Variants in OLFM3 observed in about 807,000 individuals in gnomAD.
OLFM3 encodes the protein noelin-3.
In OLFM3, 20 loss-of-function variants were observed where a neutral mutation model predicts 48.6. The ratio of observed to expected loss-of-function variants is 0.41; its 90% CI spans 0.29 to 0.60. OLFM3 has a LOEUF of 0.60. Among genes scored for constraint, OLFM3 ranks in the 20% least tolerant of loss-of-function variants. The pLI is 0.28. For missense variants in OLFM3, 437 were observed against 544.3 expected, an observed-to-expected ratio of 0.80 and a Z score of 1.96; for synonymous variants, 222 against 198.1, an observed-to-expected ratio of 1.12 and a Z score of -1.01.
At chr1:101,870,011 T>C (rs559939060) in intron 1 of OLFM3, among the ~76,000 whole-genome samples, 17 of 152,304 alleles carry the variant, frequency 1.1e-4, no homozygotes, top group African/African-American at 3.4e-4. Context: ...TATGAAATAA[T>C]TGACCAGCTA....
chr1:101,956,765 T>C lies in OLFM3; in HGVS notation c.69+39983A>G, dbSNP rs531021601. Among the ~76,000 whole-genome samples the C allele has an allele frequency of 3.9e-5, 6 of 151,980 alleles. No individual in the cohort carries two copies. In the South Asian group the frequency reaches 8.3e-4, roughly 21 times the overall value. ...GAACATTTAGTAAAAAATAAAAACA[T>C]GTAACTACAACTGGACAGATTTCCC... is the stretch of plus-strand genomic sequence containing the variant. On this transcript the variant is annotated intron_variant, in intron 1 of 5. Transcript: ENST00000370103.
At chr1:101,940,083 T>A (rs534093422) in intron 1 of OLFM3, among the ~76,000 whole-genome samples, 2 of 152,242 alleles carry the variant, frequency 1.3e-5, no homozygotes, top group African/African-American at 4.8e-5. Context: ...TATGGGCCAG[T>A]AGGAGTGTAA....
chr1:101,984,373 A>G lies in OLFM3; in HGVS notation c.69+12375T>C, dbSNP rs952592731. 3.9e-5 allele frequency among the ~76,000 whole-genome samples: 6 copies of G among 152,078 alleles called. No individual in the cohort carries two copies. In the East Asian group the frequency reaches 9.7e-4, roughly 25 times the overall value. On this transcript the variant is annotated intron_variant, in intron 1 of 5. Transcript: ENST00000370103. ...CAACCAGGGAAAACCTAAACTTATC[A>G]TGTAATTCAGTTAGGGCTGTGTGTA... is the stretch of plus-strand genomic sequence containing the variant.
At chr1:101,839,462 C>T (rs992046968) in intron 1 of OLFM3, among the ~76,000 whole-genome samples, 5 of 152,176 alleles carry the variant, frequency 3.3e-5, no homozygotes, top group African/African-American at 1.2e-4. Context: ...TGTATCTGGA[C>T]ATAAGCCCTG....
chr1:101,900,720 T>C (rs1658362652), intron 1 of OLFM3, among the ~76,000 whole-genome samples: 1 of 151,818 alleles, frequency 6.6e-6, no homozygotes, highest in African/African-American at 2.4e-5. Context: ...AAGAGTTGAA[T>C]TTGGGATATG....
At chr1:101,996,234 C>G (rs1188657283) in intron 1 of OLFM3, among the ~76,000 whole-genome samples, 4 of 152,178 alleles carry the variant, frequency 2.6e-5, no homozygotes, top group African/African-American at 9.6e-5. Context: ...GAGTATAGCT[C>G]TGCTGCTCTG....
chr1:101,945,882 G>T (rs1460970258), intron 1 of OLFM3, among the ~76,000 whole-genome samples: 2 of 152,048 alleles, frequency 1.3e-5, no homozygotes, highest in East Asian at 3.9e-4. Context: ...TTTAAAAAGA[G>T]CATAAATAAA....
At chr1:101,814,042 A>G (rs1654209731) in intron 4 of OLFM3, among the ~76,000 whole-genome samples, 1 of 152,150 alleles carries the variant, frequency 6.6e-6, no homozygotes, top group African/African-American at 2.4e-5. Context: ...CTTTTCACTG[A>G]GTAGGGGACA....
intron 1 of OLFM3, among the ~76,000 whole-genome samples, chr1:101,852,466 T>A (rs1260881281): frequency 6.6e-6 from 1 of 152,076 alleles, no homozygotes; most frequent in Non-Finnish European, 1.5e-5. Context: ...TCACTAGTCT[T>A]CCTCCAATTT....
chr1:101,879,986 G>A (rs1657454370), intron 1 of OLFM3, among the ~76,000 whole-genome samples: 1 of 151,796 alleles, frequency 6.6e-6, no homozygotes, highest in South Asian at 2.1e-4. Context: ...TGTACAACAA[G>A]CATTCAGGCC....
At chr1:101,952,687 T>C (rs1182791602) in intron 1 of OLFM3, among the ~76,000 whole-genome samples, 1 of 152,066 alleles carries the variant, frequency 6.6e-6, no homozygotes, top group African/African-American at 2.4e-5. Flanking sequence ...AAAATATATA[T>C]AGCAGGAGAT....
chr1:101,834,018 A>G (rs1416463291), intron 2 of OLFM3, among the ~76,000 whole-genome samples: 2 of 152,350 alleles, frequency 1.3e-5, no homozygotes, highest in East Asian at 3.9e-4. Flanking sequence ...TAACAAACAA[A>G]TAATTTTTTA....
At chr1:101,862,997 T>C (rs558400243) in intron 1 of OLFM3, among the ~76,000 whole-genome samples, 1 of 152,052 alleles carries the variant, frequency 6.6e-6, no homozygotes, top group Admixed American at 6.5e-5. Flanking sequence ...TAATTAGTTT[T>C]TTTTTTTTTT....
At chr1:101,807,919 A>C (rs896424979) in intron 4 of OLFM3, among the ~76,000 whole-genome samples, 4 of 151,784 alleles carry the variant, frequency 2.6e-5, no homozygotes, top group Non-Finnish European at 5.9e-5. Context: ...TATATGAGTA[A>C]AGTAGTATTG....
chr1:101,886,407 C>T (rs1014034017), intron 1 of OLFM3, among the ~76,000 whole-genome samples: 7 of 151,840 alleles, frequency 4.6e-5, no homozygotes, highest in East Asian at 1.9e-4. Context: ...GGGAGGAGGC[C>T]GGCTGGTAGG....
chr1:101,948,412 C>G (rs1336790), intron 1 of OLFM3, among the ~76,000 whole-genome samples: 60,688 of 151,446 alleles, frequency 0.4, 12,361 homozygotes, highest in East Asian at 0.51. Context: ...AAGTAGATGA[C>G]ACTGTCTTTT....
intron 1 of OLFM3, among the ~76,000 whole-genome samples, chr1:101,926,915 T>C (rs562894376): frequency 6.6e-6 from 1 of 152,222 alleles, no homozygotes; most frequent in South Asian, 2.1e-4. Flanking sequence ...CCCTTACTAC[T>C]AGCATTACCT....
intron 1 of OLFM3, among the ~76,000 whole-genome samples, chr1:101,838,721 C>A (rs1655561754): frequency 6.6e-6 from 1 of 152,076 alleles, no homozygotes; most frequent in South Asian, 2.1e-4. Context: ...CTCAGGTGAT[C>A]CGCCTGCCTC....
intron 1 of OLFM3, among the ~76,000 whole-genome samples, chr1:101,981,779 T>C (rs1661112481): frequency 6.6e-6 from 1 of 152,228 alleles, no homozygotes; most frequent in Non-Finnish European, 1.5e-5. Flanking sequence ...TTAGCTAATG[T>C]CAACATACCA....
Sources: gnomAD v4.1 joint callset for allele counts (sites outside exome capture counted in the v4.1 genomes callset) on GRCh38, gnomAD v4.1.1 for gene constraint, MANE v1.5 for transcripts, NCBI Gene and HGNC (gene_info 2026-07-23, HGNC 2026-07-21) for gene names.